Variants in LMO1 observed in about 807,000 individuals in gnomAD.
LMO1 encodes the protein rhombotin-1.
Under a neutral mutation model 18.0 loss-of-function variants are expected in LMO1, and 10 were observed. The ratio of observed to expected loss-of-function variants is 0.55; its 90% CI spans 0.34 to 0.94. The LOEUF is 0.94. Ranked by LOEUF, LMO1 falls within the 40% of genes least tolerant of loss-of-function variation. LMO1 has a pLI of 0.02. For synonymous variants in LMO1, 77 were observed against 77.9 expected (o/e 0.99, Z 0.06); for missense variants, 183 against 205.7 (o/e 0.89, Z 0.68).
At chr11:8,250,843 AGGATGTAATT>A (rs1450393210) in intron 1 of LMO1, among the ~76,000 whole-genome samples, 2 of 152,368 alleles carry the variant, frequency 1.3e-5, no homozygotes, top group Non-Finnish European at 2.9e-5. Flanking sequence ...CAGCCATAAA[AGGATGTAATT>A]GGGGTACTCT....
At chr11:8,252,460 C>T (rs563281673) in intron 1 of LMO1, among the ~76,000 whole-genome samples, 3 of 152,390 alleles carry the variant, frequency 2.0e-5, no homozygotes, top group African/African-American at 4.8e-5. Flanking sequence ...CTGGCACTCA[C>T]ACCCTTGTAT....
chr11:8,226,331 C>T (rs4758052), intron 3 of LMO1, among the ~76,000 whole-genome samples: 7,796 of 137,558 alleles, frequency 0.057, 266 homozygotes, highest in African/African-American at 0.099. Context: ...CCCGTCTCTA[C>T]TAAAAATATA....
intron 1 of LMO1, among the ~76,000 whole-genome samples, chr11:8,258,177 A>C (rs984226563): frequency 1.3e-5 from 2 of 152,184 alleles, no homozygotes; most frequent in Admixed American, 6.5e-5. Context: ...GCACACTGGG[A>C]CACCTCTACC....
At chr11:8,226,788 T>G in intron 3 of LMO1, 187 bp downstream of exon 3, 3 of 1,116,118 alleles carry the variant, frequency 2.7e-6, no homozygotes, top group Non-Finnish European at 3.6e-6. Flanking sequence ...GTGCACACAT[T>G]TGGCTACCGA....
chr11:8,245,995 C>T (rs1418021562), intron 1 of LMO1, among the ~76,000 whole-genome samples: 15 of 152,106 alleles, frequency 9.9e-5, no homozygotes, highest in Non-Finnish European at 2.2e-4. Flanking sequence ...TTTTAAACAA[C>T]AAGATTTTGA....
intron 2 of LMO1, among the ~76,000 whole-genome samples, chr11:8,229,326 G>A (rs1952608595): frequency 6.6e-6 from 1 of 152,206 alleles, no homozygotes; most frequent in Admixed American, 6.5e-5. Flanking sequence ...GTCAGTCAAA[G>A]GATCTTTGGG....
chr11:8,228,854 C>A (rs941292733), intron 2 of LMO1, among the ~76,000 whole-genome samples: 47 of 152,064 alleles, frequency 3.1e-4, no homozygotes, highest in African/African-American at 1.1e-3. Flanking sequence ...GACATGGAGG[C>A]CCCTTCTAGG....
intron 3 of LMO1, 21 bp downstream of exon 3, chr11:8,226,954 G>T (rs1274276224): frequency 6.2e-7 from 1 of 1,602,636 alleles, no homozygotes; most frequent in East Asian, 2.2e-5. Flanking sequence ...AGTGTGTTGG[G>T]TCGGCCAGTC....
chr11:8,224,805 T>A, intron 3 of LMO1, 84 bp from the exon 4 acceptor site: 1 of 852,590 alleles, frequency 1.2e-6, no homozygotes, highest in Non-Finnish European at 1.9e-6. Context: ...CGGCCTGGCC[T>A]ATGAGGTGAG....
At chr11:8,242,234 T>C (rs1435511932) in intron 1 of LMO1, among the ~76,000 whole-genome samples, 1 of 152,144 alleles carries the variant, frequency 6.6e-6, no homozygotes, top group Non-Finnish European at 1.5e-5. Context: ...AAACCCTTTA[T>C]CCTTTAGATA....
chr11:8,225,257 C>CA (rs902881839), intron 3 of LMO1, among the ~76,000 whole-genome samples: 9 of 151,498 alleles, frequency 5.9e-5, no homozygotes, highest in Non-Finnish European at 1.2e-4. Context: ...ACTAAAAATA[C>CA]AAAAAAATTT....
chr11:8,253,145 C>T (rs1847033194), intron 1 of LMO1, among the ~76,000 whole-genome samples: 1 of 152,212 alleles, frequency 6.6e-6, no homozygotes, highest in South Asian at 2.1e-4. Flanking sequence ...AGGCCCCCTG[C>T]CCTCAGCTGG....
chr11:8,246,146 G>A (rs1180717082), intron 1 of LMO1, among the ~76,000 whole-genome samples: 2 of 151,956 alleles, frequency 1.3e-5, no homozygotes, highest in Non-Finnish European at 2.9e-5. Flanking sequence ...GATTTGGAGG[G>A]GACAAACATC....
intron 1 of LMO1, among the ~76,000 whole-genome samples, chr11:8,256,811 C>T (rs1008166686): frequency 5.3e-5 from 8 of 152,188 alleles, no homozygotes; most frequent in African/African-American, 1.9e-4. Flanking sequence ...GAACCCAAAA[C>T]CAGAGCAGAC....
upstream of LMO1, among the ~76,000 whole-genome samples, chr11:8,264,335 A>C (rs11041834): frequency 0.3 from 44,968 of 152,012 alleles, 7,868 homozygotes; most frequent in African/African-American, 0.49. Flanking sequence ...CGAAGCAAGC[A>C]CAGGCATGGC....
intron 1 of LMO1, among the ~76,000 whole-genome samples, chr11:8,236,268 T>C (rs1283508927): frequency 6.6e-6 from 1 of 151,754 alleles, no homozygotes; most frequent in East Asian, 1.9e-4. Flanking sequence ...CACAGCTCAC[T>C]GCAGCCTCAA....
intron 1 of LMO1, among the ~76,000 whole-genome samples, 167 bp from the exon 2 acceptor site, chr11:8,230,671 C>T (rs1174029725): frequency 1.3e-5 from 2 of 152,192 alleles, no homozygotes; most frequent in East Asian, 3.9e-4. Flanking sequence ...CCCCTGGCTC[C>T]GGGTCCTGCC....
At chr11:8,266,358 T>C (rs1232228627), upstream of LMO1, among the ~76,000 whole-genome samples, 6 of 142,576 alleles carry the variant, frequency 4.2e-5, no homozygotes, top group Non-Finnish European at 9.2e-5. Context: ...CCCACCCCCA[T>C]ACTCGCCCCA....
chr11:8,267,586 G>A (rs1014143600), upstream of LMO1, among the ~76,000 whole-genome samples: 1 of 152,190 alleles, frequency 6.6e-6, no homozygotes, highest in Non-Finnish European at 1.5e-5. Context: ...TTGGACCCAG[G>A]GATGGATGGA....
Sources: gnomAD v4.1 joint callset for allele counts (sites outside exome capture counted in the v4.1 genomes callset) on GRCh38, gnomAD v4.1.1 for gene constraint, MANE v1.5 for transcripts, NCBI Gene and HGNC (gene_info 2026-07-23, HGNC 2026-07-21) for gene names.